The following CLPX variants were observed in gnomAD, a reference collection of about 807,000 sequenced individuals.
CLPX encodes caseinolytic mitochondrial matrix peptidase chaperone subunit X.
A neutral mutation model predicts 76.4 loss-of-function variants in CLPX; 34 were observed. The observed-to-expected ratio is 0.45, with a 90% CI of 0.34 to 0.59. The LOEUF is 0.59. CLPX is among the 20% of genes least tolerant of loss of function. The pLI is 0.01. For missense variants in CLPX, 613 were observed against 757.0 expected, an observed-to-expected ratio of 0.81 and a Z score of 2.23; for synonymous variants, 248 against 270.9, an observed-to-expected ratio of 0.92 and a Z score of 0.83.
intron 3 of CLPX, among the ~76,000 whole-genome samples, chr15:65,177,844 G>A (rs546959977): frequency 3.3e-5 from 5 of 151,744 alleles, no homozygotes; most frequent in South Asian, 2.1e-4. Context: ...TTGCTTTGTC[G>A]CCGAGGCTGG....
chr15:65,152,834 C>T (rs562185949), intron 12 of CLPX, among the ~76,000 whole-genome samples: 24 of 151,670 alleles, frequency 1.6e-4, no homozygotes, highest in African/African-American at 5.8e-4. Context: ...TGAGCTCAGG[C>T]AATCCGCCTG....
chr15:65,157,729 C>A lies in CLPX; in HGVS notation c.1057+17G>T. On this transcript the variant is annotated intron_variant, in intron 8 of 13. Transcript: ENST00000300107. ...CCAATATTCTAAATCTGGGGACAGA[C>A]CATGCTGAAAACATACCTTGTTGTG... 1 of 1,607,216 alleles carries A rather than the reference C, an allele frequency of 6.2e-7. No homozygotes were observed.
intron 1 of CLPX, among the ~76,000 whole-genome samples, chr15:65,180,649 C>T (rs1272728178): frequency 6.6e-6 from 1 of 152,080 alleles, no homozygotes; most frequent in Non-Finnish European, 1.5e-5. Context: ...CCCCTGTAAT[C>T]CTAGCATTTT....
chr15:65,155,741 C>T lies in CLPX; in HGVS notation c.1262G>A (p.Gly421Asp), dbSNP rs2087781531. 1 of 1,613,960 alleles carries T rather than the reference C, an allele frequency of 6.2e-7. No homozygotes were observed. The highest frequency in any genetic ancestry group is 8.5e-7 in the Non-Finnish European group (1 of 1,179,968). ...DTTNILFVAS[G>D]AFNGLDRIIS... ...GATTCTGTCTAAACCATTGAAAGCACCAGATGCCACAAACAGGATGTTTGT... is the reference window on the plus strand; with the variant it reads ...GATTCTGTCTAAACCATTGAAAGCATCAGATGCCACAAACAGGATGTTTGT... Residue 421 changes from glycine to aspartate, a missense_variant, in exon 10 of 14, where the codon GGT becomes GAT. Gly to Asp is a moderately conservative substitution (Grantham distance 94). Transcript: ENST00000300107.
chr15:65,156,396 C>A (rs138658436), intron 9 of CLPX, among the ~76,000 whole-genome samples: 53 of 152,222 alleles, frequency 3.5e-4, no homozygotes, highest in African/African-American at 1.2e-3. Flanking sequence ...AATTAGTTAT[C>A]ATTAAAAGGT....
Position 65,163,258 on chromosome 15 carries a change from T to C in CLPX, c.674-613A>G, listed in dbSNP as rs555025718. Among the ~76,000 whole-genome samples the C allele has an allele frequency of 3.9e-5, 6 of 152,356 alleles. No individual in the cohort carries two copies. The South Asian group carries it at 1.2e-3, about 32-fold the overall frequency. ...CAAGTCATCCGTTAGTTATGACTTA[T>C]ACTTTCTAAAAATAACTGATACCAT... On this transcript the variant is annotated intron_variant, in intron 5 of 13. Transcript: ENST00000300107.
At chr15:65,171,476 C>A (rs1022896538) in intron 3 of CLPX, among the ~76,000 whole-genome samples, 2 of 151,764 alleles carry the variant, frequency 1.3e-5, no homozygotes, top group Non-Finnish European at 2.9e-5. Flanking sequence ...CGGATAAATT[C>A]TATTAGCAAA....
At chr15:65,176,522 T>C (rs894357683) in intron 3 of CLPX, among the ~76,000 whole-genome samples, 5 of 152,204 alleles carry the variant, frequency 3.3e-5, no homozygotes, top group Admixed American at 6.5e-5. Context: ...TAAAACTATA[T>C]ATGTTGGCAT....
chr15:65,184,805 GC>G (rs1266590245), intron 1 of CLPX, among the ~76,000 whole-genome samples: 1 of 152,268 alleles, frequency 6.6e-6, no homozygotes, highest in African/African-American at 2.4e-5. Flanking sequence ...CTACAAAGTG[GC>G]CGCATTCCGG....
At chr15:65,167,002 A>AT (rs1566982704) in intron 3 of CLPX, among the ~76,000 whole-genome samples, 1 of 152,208 alleles carries the variant, frequency 6.6e-6, no homozygotes, top group African/African-American at 2.4e-5. Flanking sequence ...AGGTCCTTTC[A>AT]TTTTGTGATA....
At chr15:65,184,959 T>C in intron 1 of CLPX, 116 bp downstream of exon 1, 3 of 838,172 alleles carry the variant, frequency 3.6e-6, no homozygotes, top group Non-Finnish European at 5.9e-6. Context: ...CGCCGCGCAT[T>C]CCCTCACACT....
At chr15:65,157,953 TG>T in intron 7 of CLPX, 43 bp from the exon 8 acceptor site, 1 of 1,495,944 alleles carries the variant, frequency 6.7e-7, no homozygotes, top group Admixed American at 2.3e-5. Flanking sequence ...GAAAATATAT[TG>T]GCACACAATT....
In CLPX at chr15:65,150,703, T is replaced by C; in HGVS notation, c.*120A>G. ...TGATCTGATTCTTCTCCTAAAGGCT[T>C]CTCTGACCATGTATGATATCCAAGA... On this transcript the variant is annotated 3_prime_UTR_variant, in exon 14 of 14. Transcript: ENST00000300107. The C allele has an allele frequency of 1.8e-6, 1 of 554,440 alleles. No homozygotes were observed. Among genetic ancestry groups the C allele is most frequent in the Middle Eastern group, 3.8e-4 (1 of 2,632 alleles). The allele number at this position is 554,440 out of a possible 1,614,324, so 34.3% of individuals were successfully genotyped here.
chr15:65,159,427 A>G (rs1415423619), intron 6 of CLPX, among the ~76,000 whole-genome samples: 3 of 152,184 alleles, frequency 2.0e-5, no homozygotes, highest in Non-Finnish European at 4.4e-5. Flanking sequence ...CCTGGCCAAC[A>G]CGGTGAAACC....
At position 65,185,040 on chromosome 15, in the gene CLPX, AG is replaced by A. The variant is rs763027164; in HGVS notation, c.79+34del. 4.0e-3 allele frequency: 4,808 copies of A among 1,204,320 alleles called. 21 individuals carry two copies. The highest frequency in any genetic ancestry group is 8.9e-3 in the Admixed American group (402 of 44,936). The allele number at this position is 1,204,320 out of a possible 1,614,324, so 74.6% of individuals were successfully genotyped here. A position where few individuals can be genotyped will look rare whatever the true frequency, so the allele number is the denominator to read the frequency against. On this transcript the variant is annotated intron_variant, in intron 1 of 13. Transcript: ENST00000300107. ...TTGGCCAGTCCACCCCCCCCCCGAC[AG>A]GCTGAGGGCTCAGGAGTGGCACTAT...
chr15:65,163,718 C>T (rs1566981567), intron 5 of CLPX, among the ~76,000 whole-genome samples: 1 of 152,082 alleles, frequency 6.6e-6, no homozygotes, highest in Non-Finnish European at 1.5e-5. Flanking sequence ...AACTCCTGAC[C>T]TCAAGTGATC....
At chr15:65,175,288 C>T (rs562468319) in intron 3 of CLPX, among the ~76,000 whole-genome samples, 1 of 152,250 alleles carries the variant, frequency 6.6e-6, no homozygotes, top group Admixed American at 6.5e-5. Flanking sequence ...GAATTCGAGA[C>T]CAGCCTGGCC....
Position 65,166,803 on chromosome 15 carries a change from C to T in CLPX, c.359-18G>A, listed in dbSNP as rs776634566. 2 of 1,602,172 alleles carry T rather than the reference C, an allele frequency of 1.2e-6. No homozygotes were observed. Among genetic ancestry groups the T allele is most frequent in the Non-Finnish European group, 1.7e-6 (2 of 1,175,436 alleles). On this transcript the variant is annotated intron_variant, in intron 3 of 13. Transcript: ENST00000300107. Reference sequence around the variant, plus strand: ...GGTGGATGCTGTAAAAGAAAACAGACATAAGTAGAGGGAAATAAAAAATAA... The same window carrying T: ...GGTGGATGCTGTAAAAGAAAACAGATATAAGTAGAGGGAAATAAAAAATAA...
In CLPX at chr15:65,177,517, G is replaced by A. The variant is rs1298674174; in HGVS notation, c.358+1417C>T. 2.6e-5 allele frequency among the ~76,000 whole-genome samples: 4 copies of A among 152,074 alleles called. No homozygotes were observed. The South Asian group carries it at 8.3e-4, about 32-fold the overall frequency. On this transcript the variant is annotated intron_variant, in intron 3 of 13. Coordinates refer to ENST00000300107, the MANE Select transcript of CLPX (RefSeq NM_006660.5). Reference sequence around the variant, plus strand: ...CATATGGTGGCCAATTATGGTTAATGGTAAGTGTGAAATTGTAACCAAAGT... The same window carrying A: ...CATATGGTGGCCAATTATGGTTAATAGTAAGTGTGAAATTGTAACCAAAGT...
Sources: gnomAD v4.1 joint callset for allele counts (sites outside exome capture counted in the v4.1 genomes callset) on GRCh38, gnomAD v4.1.1 for gene constraint, MANE v1.5 for transcripts, NCBI Gene and HGNC (gene_info 2026-07-23, HGNC 2026-07-21) for gene names.